The following PTPA variants were observed in gnomAD, a reference collection of about 807,000 sequenced individuals.
PTPA encodes the protein protein phosphatase 2 phosphatase activator, also known as serine/threonine-protein phosphatase 2A activator.
Under a neutral mutation model 43.6 loss-of-function variants are expected in PTPA, and 13 were observed. The observed-to-expected ratio is 0.30, with a 90% CI of 0.19 to 0.47. The LOEUF (loss-of-function observed/expected upper bound fraction) is 0.47, where lower values mean the gene tolerates loss of function less well. Among genes scored for constraint, PTPA ranks in the 20% least tolerant of loss-of-function variants. The pLI is 0.99. For synonymous variants in PTPA, 172 were observed against 158.2 expected, an observed-to-expected ratio of 1.09 and a Z score of -0.66; for missense variants, 329 against 411.9, an observed-to-expected ratio of 0.80 and a Z score of 1.74.
intron 9 of PTPA, chr9:129,143,346 T>A (rs1851037312): frequency 2.8e-6 from 2 of 702,906 alleles, no homozygotes; most frequent in Non-Finnish European, 5.2e-6. Flanking sequence ...GAGTGATGGG[T>A]CCTTAAAGTC....
intron 9 of PTPA, chr9:129,143,561 C>T: frequency 1.5e-6 from 1 of 651,460 alleles, no homozygotes. Flanking sequence ...GGTGGGGGAG[C>T]ACAGATGCTT....
At position 129,144,191 on chromosome 9, in the gene PTPA, A is replaced by G. The variant is rs1851120794; in HGVS notation, c.894+1639A>G. 3.3e-5 allele frequency among the ~76,000 whole-genome samples: 5 copies of G among 151,886 alleles called. No individual in the cohort carries two copies. In the South Asian group the frequency reaches 1.0e-3, roughly 32 times the overall value. On this transcript the variant is annotated intron_variant, in intron 9 of 9. Transcript: ENST00000393370. Reference sequence around the variant, plus strand: ...GGCTGCCAGAGGATGAGGGAGGAGCATATTCGGATTGAAAATGGTGATGGT... The same window carrying G: ...GGCTGCCAGAGGATGAGGGAGGAGCGTATTCGGATTGAAAATGGTGATGGT...
At chr9:129,111,299 T>C (rs559137405), upstream of PTPA, 153 of 1,131,854 alleles carry the variant, frequency 1.4e-4, no homozygotes, top group South Asian at 2.8e-3. Flanking sequence ...GTCCTAGCGC[T>C]TGGCGGCCGT....
rs912804172 is a variant in PTPA at position 129,122,109 on chromosome 9, A to AT, written c.130-932dup. Reference sequence around the variant, plus strand: ...CTCTAGGGGCCTGCACCTCAATGCTATTTTTTTTTTTGAGACAGGGTCTCA... The same window carrying AT: ...CTCTAGGGGCCTGCACCTCAATGCTATTTTTTTTTTTTGAGACAGGGTCTCA... On this transcript the variant is annotated intron_variant, in intron 2 of 9. Coordinates refer to ENST00000393370, the MANE Select transcript of PTPA (RefSeq NM_178000.3). 6.7e-4 allele frequency among the ~76,000 whole-genome samples: 99 copies of AT among 147,420 alleles called. 1 individual carries two copies. The highest frequency in any genetic ancestry group is 1.5e-3 in the African/African-American group (59 of 40,426).
chr9:129,135,457 A>G (rs1276172404), intron 6 of PTPA, among the ~76,000 whole-genome samples: 1 of 152,246 alleles, frequency 6.6e-6, no homozygotes, highest in Non-Finnish European at 1.5e-5. Context: ...ATATGGAGGA[A>G]GAATTCTAAG....
intron 1 of PTPA, among the ~76,000 whole-genome samples, chr9:129,114,228 G>T (rs7030010): frequency 0.012 from 1,840 of 152,166 alleles, 36 homozygotes; most frequent in African/African-American, 0.041. Flanking sequence ...TCGCCGTGTG[G>T]GCCAGGCTGG....
intron 9 of PTPA, 144 bp from the exon 10 acceptor site, chr9:129,147,243 T>TG (rs1851365462): frequency 2.9e-6 from 2 of 691,298 alleles, no homozygotes; most frequent in African/African-American, 3.6e-5. Context: ...AGTGAGGAAC[T>TG]GGGGGAGGAA....
chr9:129,127,807 G>A (rs1380338022), intron 3 of PTPA, among the ~76,000 whole-genome samples: 5 of 152,202 alleles, frequency 3.3e-5, no homozygotes, highest in African/African-American at 1.2e-4. Context: ...TGAGTTGCAA[G>A]CTGATTTACC....
Position 129,126,073 on chromosome 9 carries a change from C to T in PTPA, c.217-2912C>T, listed in dbSNP as rs555939945. ...GGAGTCAGGAGAATCCTTTGAAACC[C>T]GGGAGGCGGAGGTTGCAGTGAGCCA... On this transcript the variant is annotated intron_variant, in intron 3 of 9. Transcript: ENST00000393370. 2.1e-4 allele frequency among the ~76,000 whole-genome samples: 32 copies of T among 151,962 alleles called. No individual in the cohort carries two copies. The South Asian group carries it at 2.9e-3, about 14-fold the overall frequency.
At chr9:129,119,906 T>G (rs189292467) in intron 1 of PTPA, among the ~76,000 whole-genome samples, 1 of 152,290 alleles carries the variant, frequency 6.6e-6, no homozygotes, top group Non-Finnish European at 1.5e-5. Flanking sequence ...GCCCTTACTC[T>G]GTCCTGGAAG....
chr9:129,118,044 G>C (rs1192671070), intron 1 of PTPA, among the ~76,000 whole-genome samples: 1 of 137,050 alleles, frequency 7.3e-6, no homozygotes, highest in Non-Finnish European at 1.6e-5. Context: ...TGATATTTGA[G>C]TTGTTTCTTT....
Position 129,137,582 on chromosome 9 carries a change from C to A in PTPA, c.686-10C>A, listed in dbSNP as rs776425459. 1 of 1,604,172 alleles carries A rather than the reference C, an allele frequency of 6.2e-7. No homozygotes were observed. Among genetic ancestry groups the A allele is most frequent in the Non-Finnish European group, 8.5e-7 (1 of 1,174,040 alleles). ...TGGTTCTGAATGCTGGGGCCCATTC[C>A]TTTTCCCAGACCACCCATACCTGGA... is the stretch of plus-strand genomic sequence containing the variant. On this transcript the variant is annotated splice_polypyrimidine_tract_variant and intron_variant, in intron 7 of 9. Transcript: ENST00000393370.
chr9:129,140,853 A>G (rs570130269), intron 8 of PTPA, among the ~76,000 whole-genome samples: 1 of 152,140 alleles, frequency 6.6e-6, no homozygotes, highest in Non-Finnish European at 1.5e-5. Context: ...AGGGCAGTTG[A>G]AACAAAGCTC....
At chr9:129,119,357 G>A (rs898230494) in intron 1 of PTPA, among the ~76,000 whole-genome samples, 4 of 151,634 alleles carry the variant, frequency 2.6e-5, no homozygotes, top group Admixed American at 6.6e-5. Context: ...TTACGTGTCC[G>A]TGCTTATTCA....
chr9:129,130,425 T>TC (rs1202636529), intron 4 of PTPA, among the ~76,000 whole-genome samples: 1 of 151,690 alleles, frequency 6.6e-6, no homozygotes, highest in Non-Finnish European at 1.5e-5. Flanking sequence ...TTTTTTTTTT[T>TC]TCCTGTTGTT....
At chr9:129,125,687 C>T (rs1242915268) in intron 3 of PTPA, among the ~76,000 whole-genome samples, 4 of 152,146 alleles carry the variant, frequency 2.6e-5, no homozygotes, top group Non-Finnish European at 4.4e-5. Context: ...TGGTAAGAGT[C>T]AGCAGACTAG....
rs201545355 is a variant in PTPA at position 129,142,103 on chromosome 9, A to G, written c.787-342A>G. The G allele has an allele frequency of 1.3e-3, 301 of 229,102 alleles. 2 individuals carry two copies. Among genetic ancestry groups the G allele is most frequent in the East Asian group, 8.8e-3 (97 of 11,010 alleles). The allele number at this position is 229,102 out of a possible 1,614,324, so 14.2% of individuals were successfully genotyped here. On this transcript the variant is annotated intron_variant, in intron 8 of 9. Transcript: ENST00000393370. ...CTCAGGTGGAGATCTTATCTTCCTG[A>G]GGCTGCTGGATTTGGTGGGCGATAG...
At chr9:129,135,193 C>T (rs1052740996) in intron 6 of PTPA, among the ~76,000 whole-genome samples, 1 of 152,158 alleles carries the variant, frequency 6.6e-6, no homozygotes, top group African/African-American at 2.4e-5. Flanking sequence ...AGGTGTTCGA[C>T]ACCAGCCTGG....
At chr9:129,139,894 C>T (rs962547519) in intron 8 of PTPA, 1 of 152,158 alleles carries the variant, frequency 6.6e-6, no homozygotes, top group African/African-American at 2.4e-5. Flanking sequence ...CTTGCAGGGC[C>T]TCTACAGCCT....
Sources: gnomAD v4.1 joint callset for allele counts (sites outside exome capture counted in the v4.1 genomes callset) on GRCh38, gnomAD v4.1.1 for gene constraint, MANE v1.5 for transcripts, NCBI Gene and HGNC (gene_info 2026-07-23, HGNC 2026-07-21) for gene names.